The following HACE1 variants were observed in gnomAD, a reference collection of about 807,000 sequenced individuals.
HACE1 encodes the protein HECT domain and ankyrin repeat containing E3 ubiquitin protein ligase 1, also known as E3 ubiquitin-protein ligase HACE1.
HACE1 carries 73 observed loss-of-function variants against 118.4 expected under a neutral mutation model. The ratio of observed to expected loss-of-function variants is 0.62; its 90% confidence interval spans 0.51 to 0.75. HACE1 has a LOEUF of 0.75. HACE1 is among the 30% of genes least tolerant of loss of function. The probability of loss-of-function intolerance (pLI) is 0.00; values close to 1 mark genes in which losing one functional copy is unlikely to be tolerated. For missense variants in HACE1, 749 were observed against 1,102.2 expected (o/e 0.68, Z 4.54); for synonymous variants, 368 against 374.8 (o/e 0.98, Z 0.21).
chr6:104,811,257 T>TATATTTCTTTATAC (rs1562426248), intron 7 of HACE1, 54 bp downstream of exon 7: 1 of 297,662 alleles, frequency 3.4e-6, no homozygotes, highest in Non-Finnish European at 6.3e-6. Context: ...CATATATATA[T>TATATTTCTTTATAC]ATATATATAT....
chr6:104,786,767 T>C (rs966539877), intron 11 of HACE1: 1 of 152,188 alleles, frequency 6.6e-6, no homozygotes, highest in Admixed American at 6.5e-5. Context: ...GCTATCCTTC[T>C]GCAAATAAAT....
Position 104,728,930 on chromosome 6 carries a change from A to C in HACE1, c.*732T>G, listed in dbSNP as rs1180174460. On this transcript the variant is annotated 3_prime_UTR_variant, in exon 24 of 24. Transcript: ENST00000262903. ...GTAATGAAAAGAAACGTGGTAAAAT[A>C]CATTTTAATTTTACCTTCATTATAA... 1 of 152,600 alleles carries C rather than the reference A, an allele frequency of 6.6e-6. No homozygotes were observed. The highest frequency in any genetic ancestry group is 1.5e-5 in the Non-Finnish European group (1 of 68,016). The allele number at this position is 152,600 out of a possible 1,614,324, so 9.5% of individuals were successfully genotyped here. A position where few individuals can be genotyped will look rare whatever the true frequency, so the allele number is the denominator to read the frequency against.
chr6:104,734,726 T>A (rs1775628931), intron 22 of HACE1, among the ~76,000 whole-genome samples: 1 of 152,198 alleles, frequency 6.6e-6, no homozygotes, highest in Admixed American at 6.5e-5. Context: ...ACACCTCTTT[T>A]TCAGCATTGC....
At chr6:104,747,398 C>T (rs979255185) in intron 20 of HACE1, among the ~76,000 whole-genome samples, 7 of 152,064 alleles carry the variant, frequency 4.6e-5, no homozygotes, top group East Asian at 1.9e-4. Flanking sequence ...TGGAGCTACT[C>T]GATACCTTCT....
At chr6:104,819,529 G>A (rs1470362622) in intron 6 of HACE1, among the ~76,000 whole-genome samples, 1 of 152,124 alleles carries the variant, frequency 6.6e-6, no homozygotes, top group Non-Finnish European at 1.5e-5. Context: ...CACAGAACTA[G>A]AGAAAACTAT....
At chr6:104,844,647 A>T (rs1200380182) in intron 4 of HACE1, among the ~76,000 whole-genome samples, 1 of 121,948 alleles carries the variant, frequency 8.2e-6, no homozygotes, top group Non-Finnish European at 1.7e-5. Flanking sequence ...CACTGCACCC[A>T]GCCTCCATCA....
At chr6:104,812,421 G>A (rs1309636543) in intron 6 of HACE1, among the ~76,000 whole-genome samples, 2 of 151,900 alleles carry the variant, frequency 1.3e-5, no homozygotes, top group Non-Finnish European at 2.9e-5. Flanking sequence ...CTCCAGCTTG[G>A]GCAACAGAGA....
At chr6:104,826,082 G>GAT (rs1773300027) in intron 6 of HACE1, among the ~76,000 whole-genome samples, 1 of 152,200 alleles carries the variant, frequency 6.6e-6, no homozygotes, top group Admixed American at 6.5e-5. Context: ...GTTGTAAGCT[G>GAT]CCCATGAAAG....
At chr6:104,768,942 T>C (rs922055479) in intron 19 of HACE1, among the ~76,000 whole-genome samples, 1 of 152,116 alleles carries the variant, frequency 6.6e-6, no homozygotes. Flanking sequence ...AAAAAATTAA[T>C]AATATTTTAA....
At chr6:104,840,525 A>C (rs2115146566) in intron 5 of HACE1, among the ~76,000 whole-genome samples, 1 of 152,256 alleles carries the variant, frequency 6.6e-6, no homozygotes, top group Middle Eastern at 3.4e-3. Flanking sequence ...ACATTTTAAA[A>C]TCCATTAAAA....
At chr6:104,737,282 C>CAAAAAAAAAA (rs59915070) in intron 22 of HACE1, among the ~76,000 whole-genome samples, 9 of 42,712 alleles carry the variant, frequency 2.1e-4, no homozygotes, top group African/African-American at 6.9e-4. Context: ...GACTCTCTCT[C>CAAAAAAAAAA]AAAAAAAAAA....
chr6:104,733,838 C>CAA (rs10685648), intron 22 of HACE1, among the ~76,000 whole-genome samples: 63,996 of 142,514 alleles, frequency 0.45, 15,973 homozygotes, highest in African/African-American at 0.71. Flanking sequence ...GACTTCATCT[C>CAA]AAAAAAAAAA....
chr6:104,769,341 T>C (rs764919428), intron 19 of HACE1, among the ~76,000 whole-genome samples: 57 of 152,304 alleles, frequency 3.7e-4, no homozygotes, highest in African/African-American at 1.3e-3. Context: ...CTTTGTCATA[T>C]ATATCTGAAA....
chr6:104,849,120 C>T (rs764900341), intron 4 of HACE1, 22 bp downstream of exon 4: 73 of 1,332,302 alleles, frequency 5.5e-5, no homozygotes, highest in Admixed American at 2.8e-4. Context: ...ACTTAAGCCA[C>T]TTAAGAAAAC....
chr6:104,794,483 G>A (rs1018222658), intron 10 of HACE1, among the ~76,000 whole-genome samples: 3 of 152,104 alleles, frequency 2.0e-5, no homozygotes, highest in African/African-American at 7.2e-5. Flanking sequence ...TAAAGATATT[G>A]CCAGTTTCCA....
At chr6:104,756,282 C>G (rs1054554282) in intron 19 of HACE1, among the ~76,000 whole-genome samples, 1 of 151,470 alleles carries the variant, frequency 6.6e-6, no homozygotes, top group Admixed American at 6.6e-5. Flanking sequence ...CATGGTGGTG[C>G]ATGCCTGTAG....
intron 7 of HACE1, among the ~76,000 whole-genome samples, chr6:104,809,492 C>T (rs907015427): frequency 5.3e-5 from 8 of 151,986 alleles, no homozygotes; most frequent in East Asian, 1.9e-4. Context: ...ATTTAAGGAA[C>T]GCAAAGAGAA....
At chr6:104,750,216 T>A in intron 20 of HACE1, 125 bp downstream of exon 20, 1 of 796,446 alleles carries the variant, frequency 1.3e-6, no homozygotes, top group Non-Finnish European at 2.0e-6. Context: ...AAATGGACAT[T>A]AAACCATTTT....
chr6:104,739,242 G>A (rs900037888), intron 22 of HACE1, among the ~76,000 whole-genome samples: 3 of 152,092 alleles, frequency 2.0e-5, no homozygotes, highest in Non-Finnish European at 4.4e-5. Flanking sequence ...TCAAGACTAG[G>A]AAGAAACTAT....
Sources: gnomAD v4.1 joint callset for allele counts (sites outside exome capture counted in the v4.1 genomes callset) on GRCh38, gnomAD v4.1.1 for gene constraint, MANE v1.5 for transcripts, NCBI Gene and HGNC (gene_info 2026-07-23, HGNC 2026-07-21) for gene names.